IFRD1: variants seen among roughly 807,000 people sequenced by gnomAD.
The protein encoded by IFRD1 is interferon-related developmental regulator 1.
IFRD1 carries 35 observed loss-of-function variants against 52.9 expected under a neutral mutation model. The ratio of observed to expected loss-of-function variants is 0.66; its 90% CI spans 0.51 to 0.88. The LOEUF (loss-of-function observed/expected upper bound fraction) is 0.88. IFRD1 is among the 40% of genes least tolerant of loss of function. The pLI is 0.00. For missense variants in IFRD1, 517 were observed against 550.8 expected, an observed-to-expected ratio of 0.94 and a Z score of 0.61; for synonymous variants, 184 against 188.4, an observed-to-expected ratio of 0.98 and a Z score of 0.19.
At chr7:112,448,656 T>C (rs1212423337), upstream of IFRD1, among the ~76,000 whole-genome samples, 1 of 152,204 alleles carries the variant, frequency 6.6e-6, no homozygotes, top group Non-Finnish European at 1.5e-5. Context: ...TTAAACAAAG[T>C]AAAAGCAACC....
intron 1 of IFRD1, among the ~76,000 whole-genome samples, chr7:112,431,926 G>A (rs114989203): frequency 3.2e-3 from 481 of 152,174 alleles, no homozygotes; most frequent in African/African-American, 0.011. Context: ...CCATTTTGGC[G>A]TCATCTACAT....
intron 1 of IFRD1, chr7:112,452,468 A>G (rs1336399934): frequency 2.0e-6 from 2 of 982,126 alleles, no homozygotes; most frequent in East Asian, 1.1e-4. Flanking sequence ...ACTGTGTTTC[A>G]GCTTTTCCTC....
At chr7:112,466,691 T>C (rs1456704351) in intron 8 of IFRD1, among the ~76,000 whole-genome samples, 1 of 152,208 alleles carries the variant, frequency 6.6e-6, no homozygotes, top group African/African-American at 2.4e-5. Context: ...AAATTTTGAT[T>C]TATTCTTCTA....
chr7:112,465,517 T>A (rs915800563), intron 8 of IFRD1, among the ~76,000 whole-genome samples: 2 of 152,224 alleles, frequency 1.3e-5, no homozygotes, highest in African/African-American at 4.8e-5. Flanking sequence ...TAGATTCTGT[T>A]GTATTTATAT....
At chr7:112,462,911 C>T (rs868046369) in intron 8 of IFRD1, among the ~76,000 whole-genome samples, 5 of 152,238 alleles carry the variant, frequency 3.3e-5, no homozygotes, top group African/African-American at 4.8e-5. Context: ...GCTTGGCTCT[C>T]GAAGGGATTT....
chr7:112,446,868 T>C (rs80134459), upstream of IFRD1, among the ~76,000 whole-genome samples: 119 of 152,162 alleles, frequency 7.8e-4, 4 homozygotes, highest in East Asian at 0.021. Flanking sequence ...CCTGGAAGCT[T>C]GAGAGTGGTG....
intron 1 of IFRD1, among the ~76,000 whole-genome samples, chr7:112,433,671 T>C (rs3128395): frequency 0.072 from 10,983 of 152,310 alleles, 511 homozygotes; most frequent in Admixed American, 0.13. Context: ...AGTTAAACTA[T>C]AAACTAAGTT....
At chr7:112,452,067 T>C in intron 1 of IFRD1, 1 of 981,670 alleles carries the variant, frequency 1.0e-6, no homozygotes, top group Non-Finnish European at 1.2e-6. Flanking sequence ...TTTTGAATGC[T>C]CTCCATGTTG....
rs543111217 is a variant in IFRD1 at position 112,455,385 on chromosome 7, C to T, written c.95-378C>T. Among the ~76,000 whole-genome samples the T allele has an allele frequency of 5.3e-5, 8 of 151,866 alleles. No homozygotes were observed. The East Asian group carries it at 9.7e-4, about 18-fold the overall frequency. On this transcript the variant is annotated intron_variant, in intron 1 of 11. Coordinates refer to ENST00000403825, the MANE Select transcript of IFRD1 (RefSeq NM_001550.4). ...CTGTAATCCCAGCTACTCAGGAGGC[C>T]GAGGCAGGAGAATTGCTCGAACCCA...
In IFRD1 at chr7:112,463,853, T is replaced by TACACACAC. The variant is rs72284919; in HGVS notation, c.906+1510_906+1517dup. Among the ~76,000 whole-genome samples, 93 of 43,454 alleles carry TACACACAC rather than the reference T, an allele frequency of 2.1e-3. 2 individuals are homozygous for TACACACAC. The highest frequency in any genetic ancestry group is 0.012 in the Admixed American group (81 of 6,732). 28.5% of individuals were successfully genotyped at this position (43,454 alleles called of 152,430 possible). ...ATATACATATATATACACATTTATA[T>TACACACAC]ACACACACACACACACACACACACA... On this transcript the variant is annotated intron_variant, in intron 8 of 11. Coordinates refer to ENST00000403825, the MANE Select transcript of IFRD1 (RefSeq NM_001550.4).
intron 1 of IFRD1, among the ~76,000 whole-genome samples, chr7:112,424,419 T>TA (rs199923621): frequency 6.5e-5 from 6 of 92,792 alleles, no homozygotes; most frequent in South Asian, 4.2e-4. Flanking sequence ...TCTTTCTTTC[T>TA]TTTTTTTTTT....
chr7:112,465,873 A>G (rs1795596177), intron 8 of IFRD1, among the ~76,000 whole-genome samples: 1 of 152,204 alleles, frequency 6.6e-6, no homozygotes, highest in Non-Finnish European at 1.5e-5. Flanking sequence ...TAGAATATTG[A>G]TAAAATAGTT....
chr7:112,455,725 A>C (rs1238268031), intron 1 of IFRD1, 38 bp from the exon 2 acceptor site: 1 of 1,341,952 alleles, frequency 7.5e-7, no homozygotes, highest in South Asian at 1.2e-5. Flanking sequence ...GGTATATGGC[A>C]ATAAAATAAT....
Position 112,456,035 on chromosome 7 carries a change from A to G in IFRD1, c.233A>G (p.Glu78Gly). ...PEVLDEEGTQ[E>G]DLEYKLKGLI... ...GTCCTTGATGAGGAAGGAACTCAAGAAGACCTAGAGTACAAGTTGAAGGGA... is the reference window on the plus strand; with the variant it reads ...GTCCTTGATGAGGAAGGAACTCAAGGAGACCTAGAGTACAAGTTGAAGGGA... Residue 78 changes from glutamate (E) to glycine (G), a missense_variant, in exon 3 of 12, where the codon GAA becomes GGA. Physicochemically the swap from Glu to Gly is moderately conservative, Grantham distance 98. Coordinates refer to ENST00000403825, the MANE Select transcript of IFRD1 (RefSeq NM_001550.4). 6.2e-7 allele frequency: 1 copy of G among 1,609,034 alleles called. No homozygotes were observed. Among genetic ancestry groups the G allele is most frequent in the Non-Finnish European group, 8.5e-7 (1 of 1,175,422 alleles).
chr7:112,459,481 G>A (rs1014992418), intron 5 of IFRD1, among the ~76,000 whole-genome samples: 1 of 150,718 alleles, frequency 6.6e-6, no homozygotes. Flanking sequence ...ACACTGAGGT[G>A]GTCTTAGTGG....
chr7:112,455,688 C>A, intron 1 of IFRD1, 75 bp from the exon 2 acceptor site: 1 of 989,008 alleles, frequency 1.0e-6, no homozygotes, highest in Non-Finnish European at 1.6e-6. Flanking sequence ...TTTAAGTAAA[C>A]TTAAAAATTC....
upstream of IFRD1, among the ~76,000 whole-genome samples, chr7:112,449,004 G>C (rs939208338): frequency 6.6e-6 from 1 of 152,236 alleles, no homozygotes; most frequent in Non-Finnish European, 1.5e-5. Flanking sequence ...GGCTGGAAAG[G>C]GAGTCAGGGC....
At chr7:112,460,365 C>T (rs1260650079) in intron 5 of IFRD1, among the ~76,000 whole-genome samples, 2 of 151,398 alleles carry the variant, frequency 1.3e-5, no homozygotes, top group African/African-American at 4.9e-5. Flanking sequence ...CTGCCTCAGC[C>T]TCCTGAGTAG....
intron 1 of IFRD1, among the ~76,000 whole-genome samples, chr7:112,427,997 G>C (rs1431586790): frequency 1.3e-5 from 2 of 152,162 alleles, no homozygotes; most frequent in African/African-American, 4.8e-5. Context: ...TGGGGGCAGA[G>C]GGGTGGGTCT....
Sources: allele counts gnomAD v4.1 joint callset (sites outside exome capture counted in the v4.1 genomes callset), GRCh38; gene constraint gnomAD v4.1.1; transcripts MANE v1.5; gene names NCBI Gene and HGNC (gene_info 2026-07-23, HGNC 2026-07-21).